TLE4: variants seen among roughly 807,000 people sequenced by gnomAD.
TLE4 encodes transducin-like enhancer protein 4.
In TLE4, 8 loss-of-function variants were observed where a neutral mutation model predicts 92.8. That is an observed-to-expected ratio of 0.09 (90% CI 0.05 to 0.16). The LOEUF is 0.16. TLE4 is among the 10% of genes least tolerant of loss of function. TLE4 has a pLI of 1.00. For synonymous variants in TLE4, 371 were observed against 374.1 expected, an observed-to-expected ratio of 0.99 and a Z score of 0.10; for missense variants, 675 against 997.6, an observed-to-expected ratio of 0.68 and a Z score of 4.36.
chr9:79,688,890 A>G (rs772440859), intron 8 of TLE4, among the ~76,000 whole-genome samples: 2 of 152,054 alleles, frequency 1.3e-5, no homozygotes, highest in African/African-American at 2.4e-5. Context: ...ACAAGCTGAC[A>G]GTGGCATGTG....
At chr9:79,645,405 A>C (rs1183798452) in intron 6 of TLE4, among the ~76,000 whole-genome samples, 1 of 152,152 alleles carries the variant, frequency 6.6e-6, no homozygotes, top group Non-Finnish European at 1.5e-5. Context: ...GAAATGCCCA[A>C]AATTCCTAGG....
At position 79,709,719 on chromosome 9, in the gene TLE4, T is replaced by C; in HGVS notation, c.1340+20T>C. The C allele has an allele frequency of 2.5e-6, 4 of 1,611,826 alleles. No individual in the cohort carries two copies. The highest frequency in any genetic ancestry group is 1.1e-5 in the South Asian group (1 of 90,926). ...AAAACCGTGAGTACCTTTTTGCCTC[T>C]GTGCTCATTGTGTGTCAAACTCAGG... On this transcript the variant is annotated intron_variant, in intron 14 of 19. Coordinates refer to ENST00000376552, the MANE Select transcript of TLE4 (RefSeq NM_007005.6).
rs889337737 is a variant in TLE4, at chr9:79,687,395, C to G, written c.610-17388C>G. Among the ~76,000 whole-genome samples the G allele has an allele frequency of 7.9e-5, 12 of 152,330 alleles. No homozygotes were observed. In the East Asian group the frequency reaches 1.9e-3, roughly 24 times the overall value. ...GTGCCAGATTTTCTTCCTTGTCTCT[C>G]CCTTCAAAAATATCTCTCAAGTGGA... On this transcript the variant is annotated intron_variant, in intron 8 of 19. Coordinates refer to ENST00000376552, the MANE Select transcript of TLE4 (RefSeq NM_007005.6).
intron 4 of TLE4, among the ~76,000 whole-genome samples, 180 bp from the exon 5 acceptor site, chr9:79,612,476 G>T (rs2048583380): frequency 6.6e-6 from 1 of 152,106 alleles, no homozygotes; most frequent in African/African-American, 2.4e-5. Context: ...TGCTGTTAAT[G>T]TGGCACTGTT....
intron 5 of TLE4, among the ~76,000 whole-genome samples, chr9:79,621,041 C>T (rs1252649626): frequency 6.6e-6 from 1 of 152,150 alleles, no homozygotes; most frequent in Non-Finnish European, 1.5e-5. Context: ...TTGGGAATTA[C>T]AATTCAATGT....
intron 6 of TLE4, among the ~76,000 whole-genome samples, chr9:79,646,017 C>A (rs1450529724): frequency 1.3e-5 from 2 of 152,004 alleles, no homozygotes; most frequent in African/African-American, 4.8e-5. Context: ...ATACTCTAGT[C>A]TATGCCCTCT....
chr9:79,692,816 C>T (rs930799005), intron 8 of TLE4, among the ~76,000 whole-genome samples: 3 of 152,180 alleles, frequency 2.0e-5, no homozygotes, highest in African/African-American at 7.2e-5. Context: ...CCAATCACTT[C>T]TTAAAGGCAC....
chr9:79,721,943 G>A (rs970751077), intron 17 of TLE4, 55 bp downstream of exon 17: 4 of 1,569,072 alleles, frequency 2.5e-6, no homozygotes, highest in African/African-American at 1.4e-5. Flanking sequence ...GAGGTGGGCG[G>A]ATCACCAGGT....
chr9:79,649,066 A>G (rs1452097811), intron 6 of TLE4, among the ~76,000 whole-genome samples: 1 of 152,192 alleles, frequency 6.6e-6, no homozygotes, highest in Admixed American at 6.5e-5. Flanking sequence ...CTGCAGATAC[A>G]TCAGAAAAAG....
rs534161434 is a variant in TLE4 at position 79,641,439 on chromosome 9, A to G, written c.391-11154A>G. Among the ~76,000 whole-genome samples, 3 of 152,332 alleles carry G rather than the reference A, an allele frequency of 2.0e-5. No homozygotes were observed. The East Asian group carries it at 5.8e-4, about 29-fold the overall frequency. Reference sequence around the variant, plus strand: ...AGCCTAGAGCTCTAATTATTCTTAAATAAAAGTCAAAAACCCTTAGTGTGC... The same window carrying G: ...AGCCTAGAGCTCTAATTATTCTTAAGTAAAAGTCAAAAACCCTTAGTGTGC... On this transcript the variant is annotated intron_variant, in intron 6 of 19. Coordinates refer to ENST00000376552, the MANE Select transcript of TLE4 (RefSeq NM_007005.6).
At position 79,722,842 on chromosome 9, in the gene TLE4, A is replaced by T; in HGVS notation, c.2138-117A>T. 1.1e-5 allele frequency: 12 copies of T among 1,071,850 alleles called. No homozygotes were observed. The South Asian group carries it at 1.9e-4, about 17-fold the overall frequency. The allele number at this position is 1,071,850 out of a possible 1,614,324, so 66.4% of individuals were successfully genotyped here. A position where few individuals can be genotyped will look rare whatever the true frequency, so the allele number is the denominator to read the frequency against. On this transcript the variant is annotated intron_variant, in intron 18 of 19. Coordinates refer to ENST00000376552, the MANE Select transcript of TLE4 (RefSeq NM_007005.6). ...AGATAGGCTTTATTTTTGAAGTGAA[A>T]GTTATTTTTTACAAATGGATGAGTT...
chr9:79,706,039 G>T, intron 10 of TLE4, 97 bp downstream of exon 10: 1 of 1,206,854 alleles, frequency 8.3e-7, no homozygotes. Context: ...GAGGTTTGTC[G>T]TTTTGTTATT....
chr9:79,662,813 T>A (rs1197113612), intron 8 of TLE4, among the ~76,000 whole-genome samples: 1 of 152,194 alleles, frequency 6.6e-6, no homozygotes, highest in African/African-American at 2.4e-5. Flanking sequence ...AGGCTTGAGC[T>A]TTTCCCAGGA....
At chr9:79,605,083 G>T (rs1346582418) in intron 4 of TLE4, among the ~76,000 whole-genome samples, 1 of 152,080 alleles carries the variant, frequency 6.6e-6, no homozygotes, top group African/African-American at 2.4e-5. Context: ...AGCTGGCAAG[G>T]CTTGCTCTGA....
At chr9:79,595,928 G>A (rs2043855661) in intron 4 of TLE4, among the ~76,000 whole-genome samples, 1 of 151,022 alleles carries the variant, frequency 6.6e-6, no homozygotes, top group Admixed American at 6.6e-5. Context: ...CTCACTGCAG[G>A]CTCTGCCTCC....
chr9:79,681,552 T>G (rs997278967), intron 8 of TLE4, among the ~76,000 whole-genome samples: 1 of 152,122 alleles, frequency 6.6e-6, no homozygotes, highest in African/African-American at 2.4e-5. Flanking sequence ...TGTTAGGACA[T>G]TTCTCTCAGG....
Position 79,627,404 on chromosome 9 carries a change from C to T in TLE4, c.346C>T (p.Arg116Trp), listed in dbSNP as rs1460218058. 1.9e-6 allele frequency: 3 copies of T among 1,614,138 alleles called. No homozygotes were observed. The highest frequency in any genetic ancestry group is 2.5e-6 in the Non-Finnish European group (3 of 1,180,018). Reference protein sequence around the residue: ...HQQQVVQAVERAKQVTMAELN... With the variant: ...HQQQVVQAVEWAKQVTMAELN... Reference sequence around the variant, plus strand: ...GCAACAAGTGGTGCAGGCTGTGGAACGGGCCAAGCAGGTGACCATGGCAGA... The same window carrying T: ...GCAACAAGTGGTGCAGGCTGTGGAATGGGCCAAGCAGGTGACCATGGCAGA... Residue 116 changes from arginine (R) to tryptophan (W), a missense_variant, in exon 6 of 20, where the codon CGG (arginine) becomes TGG (tryptophan). By Grantham distance (101) the Arg-to-Trp change is moderately radical (BLOSUM62 -3). Coordinates refer to ENST00000376552, the MANE Select transcript of TLE4 (RefSeq NM_007005.6).
intron 4 of TLE4, chr9:79,580,474 A>G (rs1484297481): frequency 6.6e-6 from 1 of 152,204 alleles, no homozygotes; most frequent in East Asian, 1.9e-4. Context: ...ATGACATTCT[A>G]GCCTTGAGTG....
chr9:79,698,484 ATCT>A (rs2068858911), intron 8 of TLE4, among the ~76,000 whole-genome samples: 1 of 152,208 alleles, frequency 6.6e-6, no homozygotes, highest in Non-Finnish European at 1.5e-5. Flanking sequence ...ATTATATTAA[ATCT>A]TCTTTTAACA....
Sources: gnomAD v4.1 joint callset for allele counts (sites outside exome capture counted in the v4.1 genomes callset) on GRCh38, gnomAD v4.1.1 for gene constraint, MANE v1.5 for transcripts, NCBI Gene and HGNC (gene_info 2026-07-23, HGNC 2026-07-21) for gene names.